The following DACH1 variants were observed in gnomAD, a reference collection of about 807,000 sequenced individuals.
DACH1 encodes the protein dachshund homolog 1.
A neutral mutation model predicts 54.2 loss-of-function variants in DACH1; 12 were observed. The ratio of observed to expected loss-of-function variants is 0.22; its 90% CI spans 0.14 to 0.36. The LOEUF (loss-of-function observed/expected upper bound fraction) is 0.36. DACH1 is among the 10% of genes least tolerant of loss of function. The pLI, the probability that DACH1 is intolerant of heterozygous loss-of-function variation, is 1.00. For synonymous variants in DACH1, 386 were observed against 366.2 expected (o/e 1.05, Z -0.62); for missense variants, 805 against 929.8 (o/e 0.87, Z 1.75).
chr13:71,542,544 T>G lies in DACH1; in HGVS notation c.1570+14480A>C, dbSNP rs192305254. Among the ~76,000 whole-genome samples, 592 of 152,240 alleles carry G rather than the reference T, an allele frequency of 3.9e-3. 4 individuals are homozygous for G. Among genetic ancestry groups the G allele is most frequent in the Non-Finnish European group, 6.6e-3 (449 of 68,002 alleles). On this transcript the variant is annotated intron_variant, in intron 6 of 10. Transcript: ENST00000613252. ...ATCAATAATGTCATTATCATTATTC[T>G]AAATTTCTATTTTAAAATTTTTCCA...
chr13:71,443,792 T>C (rs1358354144), intron 10 of DACH1, among the ~76,000 whole-genome samples: 1 of 152,170 alleles, frequency 6.6e-6, no homozygotes, highest in Non-Finnish European at 1.5e-5. Context: ...GCTGTAGACA[T>C]TTTGGTATTA....
intron 3 of DACH1, among the ~76,000 whole-genome samples, chr13:71,617,635 G>A (rs891516306): frequency 3.9e-5 from 6 of 152,160 alleles, no homozygotes; most frequent in South Asian, 2.1e-4. Context: ...CCAAAGACCC[G>A]GAAGAATAAA....
chr13:71,565,111 G>A (rs149406956), intron 4 of DACH1, among the ~76,000 whole-genome samples: 5 of 152,104 alleles, frequency 3.3e-5, no homozygotes, highest in East Asian at 1.9e-4. Context: ...TAGCTGAGAC[G>A]GGGTTTCAGC....
intron 1 of DACH1, among the ~76,000 whole-genome samples, chr13:71,694,366 G>A (rs1159963219): frequency 6.6e-6 from 1 of 152,030 alleles, no homozygotes; most frequent in Non-Finnish European, 1.5e-5. Flanking sequence ...CCAGGCCTAT[G>A]AACTAATGAA....
chr13:71,643,302 G>A (rs558980664), intron 2 of DACH1, among the ~76,000 whole-genome samples: 1 of 152,254 alleles, frequency 6.6e-6, no homozygotes, highest in African/African-American at 2.4e-5. Flanking sequence ...GTCCTACAAA[G>A]AGTTTCAAAA....
intron 1 of DACH1, among the ~76,000 whole-genome samples, chr13:71,816,658 ACGTG>A (rs1887961230): frequency 4.0e-5 from 1 of 24,886 alleles, no homozygotes; most frequent in African/African-American, 8.2e-5. Flanking sequence ...ATATATATAC[ACGTG>A]TATATATATA....
chr13:71,858,419 C>T (rs139792258), intron 1 of DACH1, among the ~76,000 whole-genome samples: 1 of 151,678 alleles, frequency 6.6e-6, no homozygotes, highest in Non-Finnish European at 1.5e-5. Context: ...TCAACATCAA[C>T]CAATGTACTA....
At chr13:71,443,052 T>C (rs1268528591) in intron 10 of DACH1, among the ~76,000 whole-genome samples, 2 of 148,346 alleles carry the variant, frequency 1.3e-5, no homozygotes, top group Non-Finnish European at 3.0e-5. Flanking sequence ...GAATTATATA[T>C]ATAATTATAT....
At chr13:71,796,856 T>C (rs973123668) in intron 1 of DACH1, among the ~76,000 whole-genome samples, 2 of 152,094 alleles carry the variant, frequency 1.3e-5, no homozygotes, top group Non-Finnish European at 2.9e-5. Flanking sequence ...CTACGGACAC[T>C]TAGGGTTAGG....
chr13:71,800,343 T>TAAACACAATTTGAC (rs1248626332), intron 1 of DACH1, among the ~76,000 whole-genome samples: 1 of 151,900 alleles, frequency 6.6e-6, no homozygotes, highest in Non-Finnish European at 1.5e-5. Flanking sequence ...AAGAATAAAA[T>TAAACACAATTTGAC]AAACACAATT....
intron 6 of DACH1, among the ~76,000 whole-genome samples, chr13:71,493,218 T>G (rs1183703515): frequency 6.6e-6 from 1 of 152,128 alleles, no homozygotes; most frequent in African/African-American, 2.4e-5. Context: ...TCCATTTCTC[T>G]CTCTCTTTCT....
At chr13:71,465,358 C>G (rs982344826) in intron 10 of DACH1, among the ~76,000 whole-genome samples, 1 of 151,878 alleles carries the variant, frequency 6.6e-6, no homozygotes, top group South Asian at 2.1e-4. Flanking sequence ...ACTTTTATGA[C>G]TCTTGAAGTA....
chr13:71,607,889 T>G (rs2138508680), intron 3 of DACH1, among the ~76,000 whole-genome samples: 1 of 152,080 alleles, frequency 6.6e-6, no homozygotes, highest in East Asian at 1.9e-4. Flanking sequence ...AATGAGAAAT[T>G]TTGAAAGTTA....
chr13:71,667,430 G>A (rs529503128), intron 2 of DACH1, among the ~76,000 whole-genome samples: 6 of 152,240 alleles, frequency 3.9e-5, no homozygotes, highest in Admixed American at 2.6e-4. Flanking sequence ...GAGTGATAAT[G>A]CTGACAGTTT....
chr13:71,638,608 T>C (rs1877671980), intron 2 of DACH1, among the ~76,000 whole-genome samples: 1 of 152,196 alleles, frequency 6.6e-6, no homozygotes, highest in Non-Finnish European at 1.5e-5. Flanking sequence ...TTTTAATTTA[T>C]GAAACCTATT....
intron 10 of DACH1, among the ~76,000 whole-genome samples, chr13:71,467,706 C>T (rs1158169471): frequency 6.6e-6 from 1 of 152,040 alleles, no homozygotes; most frequent in Non-Finnish European, 1.5e-5. Flanking sequence ...TGCCTACAAT[C>T]AATATCACCT....
In DACH1 at chr13:71,440,711, AAATT is replaced by A; in HGVS notation, c.2084-23_2084-20del. 1 of 1,582,446 alleles carries A rather than the reference AAATT, an allele frequency of 6.3e-7. No homozygotes were observed. The highest frequency in any genetic ancestry group is 8.6e-7 in the Non-Finnish European group (1 of 1,158,098). ...CTTCCATCTAGAAATGAACAGTGAA[AAATT>A]AATTAATGGCATGGTATTTGGGGTA... On this transcript the variant is annotated intron_variant, in intron 10 of 10. Transcript: ENST00000613252.
intron 1 of DACH1, among the ~76,000 whole-genome samples, chr13:71,683,446 C>A (rs1881008398): frequency 6.6e-6 from 1 of 151,856 alleles, no homozygotes; most frequent in South Asian, 2.1e-4. Flanking sequence ...ATAAATGAAA[C>A]CATGAAAAAT....
Position 71,866,477 on chromosome 13 carries a change from C to T in DACH1, c.293G>A (p.Gly98Asp). 1 of 1,247,968 alleles carries T rather than the reference C, an allele frequency of 8.0e-7. No homozygotes were observed. Among genetic ancestry groups the T allele is most frequent in the Non-Finnish European group, 1.0e-6 (1 of 993,690 alleles). 77.3% of individuals were successfully genotyped at this position (1,247,968 alleles called of 1,614,324 possible). Residue 98 changes from glycine to aspartate, a missense_variant, in exon 1 of 11, where the codon GGC (glycine) becomes GAC (aspartate). Physicochemically the swap from Gly to Asp is moderately conservative, Grantham distance 94. Around this residue, in one of 3 missense-constraint regions of DACH1, gnomAD observed 305 missense variants for 308.7 expected, o/e 0.99. Coordinates refer to ENST00000613252, the MANE Select transcript of DACH1 (RefSeq NM_080759.6). Reference protein sequence around the residue: ...SSGNGGGGGGGGGGSNCNPNL... With the variant: ...SSGNGGGGGGDGGGSNCNPNL... The stretch of plus-strand genomic sequence containing the variant: ...GGGGTTGCAGTTGCTGCCACCGCCG[C>T]CGCCGCCACCGCCGCCTCCGTTGCC...
Sources: allele counts gnomAD v4.1 joint callset (sites outside exome capture counted in the v4.1 genomes callset), GRCh38; gene constraint gnomAD v4.1.1; regional missense constraint gnomAD v4.1.1; transcripts MANE v1.5; gene names NCBI Gene and HGNC (gene_info 2026-07-23, HGNC 2026-07-21).